The following TRPC6 variants were observed in gnomAD, a reference collection of about 807,000 sequenced individuals.
TRPC6 encodes the protein transient receptor potential cation channel subfamily C member 6.
A neutral mutation model predicts 90.7 loss-of-function variants in TRPC6; 55 were observed. That is an observed-to-expected ratio of 0.61 (90% CI 0.49 to 0.76). The LOEUF (loss-of-function observed/expected upper bound fraction) is 0.76, where lower values mean the gene tolerates loss of function less well. Ranked by LOEUF, TRPC6 falls within the 30% of genes least tolerant of loss-of-function variation. The probability of loss-of-function intolerance (pLI) is 0.00; values close to 1 mark genes in which losing one functional copy is unlikely to be tolerated. For synonymous variants in TRPC6, 393 were observed against 393.0 expected, an observed-to-expected ratio of 1.00 and a Z score of 0.00; for missense variants, 989 against 1,122.7, an observed-to-expected ratio of 0.88 and a Z score of 1.70.
chr11:101,520,124 TGAG>T (rs1490607281), intron 1 of TRPC6, among the ~76,000 whole-genome samples: 2 of 152,066 alleles, frequency 1.3e-5, no homozygotes, highest in African/African-American at 4.8e-5. Context: ...TCCCCAGTGT[TGAG>T]GAAGGGGCCT....
At chr11:101,457,547 A>G (rs767407736) in intron 10 of TRPC6, among the ~76,000 whole-genome samples, 1 of 152,200 alleles carries the variant, frequency 6.6e-6, no homozygotes, top group South Asian at 2.1e-4. Flanking sequence ...CTGGGAACAG[A>G]GCAATGAACT....
At chr11:101,577,153 T>A (rs1307391366) in intron 1 of TRPC6, among the ~76,000 whole-genome samples, 2 of 152,144 alleles carry the variant, frequency 1.3e-5, no homozygotes, top group African/African-American at 4.8e-5. Context: ...CACACTGCAA[T>A]CTTTCACCAA....
chr11:101,498,693 G>A (rs1262569984), intron 2 of TRPC6, among the ~76,000 whole-genome samples: 1 of 152,114 alleles, frequency 6.6e-6, no homozygotes, highest in Admixed American at 6.6e-5. Flanking sequence ...TCATAAAATA[G>A]ATTAATCGTC....
chr11:101,488,904 T>C (rs759933071), intron 4 of TRPC6, 33 bp downstream of exon 4: 3 of 1,612,848 alleles, frequency 1.9e-6, no homozygotes, highest in Non-Finnish European at 2.5e-6. Context: ...ATATTTCTAG[T>C]AGATAATAGA....
At chr11:101,499,864 G>A (rs141314382) in intron 2 of TRPC6, among the ~76,000 whole-genome samples, 5 of 32,018 alleles carry the variant, frequency 1.6e-4, no homozygotes, top group African/African-American at 5.8e-4. Flanking sequence ...TATATACACA[G>A]TATAAAATGT....
chr11:101,514,460 C>T (rs974200970), intron 1 of TRPC6, among the ~76,000 whole-genome samples: 3 of 152,152 alleles, frequency 2.0e-5, no homozygotes, highest in Non-Finnish European at 4.4e-5. Flanking sequence ...GAAGAGGAGA[C>T]TCAGCCCGCA....
chr11:101,558,426 T>C (rs1249872703), intron 1 of TRPC6, among the ~76,000 whole-genome samples: 3 of 111,164 alleles, frequency 2.7e-5, no homozygotes, highest in South Asian at 4.5e-4. Flanking sequence ...CACACACATA[T>C]CTACATATAT....
intron 10 of TRPC6, among the ~76,000 whole-genome samples, chr11:101,463,546 T>A (rs1051918227): frequency 6.6e-6 from 1 of 152,200 alleles, no homozygotes; most frequent in Non-Finnish European, 1.5e-5. Flanking sequence ...AGAGGGTGTA[T>A]GTGTCCAGGA....
chr11:101,572,538 G>T (rs988389210), intron 1 of TRPC6, among the ~76,000 whole-genome samples: 1 of 152,110 alleles, frequency 6.6e-6, no homozygotes, highest in African/African-American at 2.4e-5. Flanking sequence ...AAATCATTCT[G>T]CTATAAAGAC....
chr11:101,479,976 T>G (rs551959888), intron 5 of TRPC6, among the ~76,000 whole-genome samples: 3 of 152,102 alleles, frequency 2.0e-5, no homozygotes, highest in Non-Finnish European at 2.9e-5. Flanking sequence ...GTTGGAAGTT[T>G]GAGACCAGCT....
chr11:101,581,525 T>C (rs1179691385), intron 1 of TRPC6, among the ~76,000 whole-genome samples: 1 of 152,206 alleles, frequency 6.6e-6, no homozygotes, highest in East Asian at 1.9e-4. Flanking sequence ...CATGGAACAG[T>C]CTAATTTTTA....
intron 1 of TRPC6, among the ~76,000 whole-genome samples, chr11:101,558,267 G>A (rs866839616): frequency 3.1e-5 from 4 of 130,982 alleles, no homozygotes; most frequent in Non-Finnish European, 3.2e-5. Flanking sequence ...ACATGTATAT[G>A]GGTATACATG....
At chr11:101,462,692 T>C (rs1323715492) in intron 10 of TRPC6, among the ~76,000 whole-genome samples, 1 of 152,168 alleles carries the variant, frequency 6.6e-6, no homozygotes, top group African/African-American at 2.4e-5. Flanking sequence ...CTTATCTGCT[T>C]ATAAGGAGAT....
intron 1 of TRPC6, among the ~76,000 whole-genome samples, chr11:101,541,750 G>T (rs1041319272): frequency 9.9e-5 from 15 of 151,708 alleles, no homozygotes; most frequent in Admixed American, 2.0e-4. Flanking sequence ...GCTATGCAGT[G>T]CAAAAGAAAA....
chr11:101,494,191 T>C (rs764131746), intron 2 of TRPC6, among the ~76,000 whole-genome samples: 15 of 152,132 alleles, frequency 9.9e-5, no homozygotes, highest in Non-Finnish European at 1.9e-4. Context: ...CACTATACTA[T>C]AGTATAGTAG....
chr11:101,489,472 T>A (rs1215868311), intron 3 of TRPC6, among the ~76,000 whole-genome samples: 2 of 152,124 alleles, frequency 1.3e-5, no homozygotes, highest in Non-Finnish European at 2.9e-5. Context: ...AATACTTTTT[T>A]AAAAATACCA....
chr11:101,455,246 G>C, intron 10 of TRPC6, 145 bp from the exon 11 acceptor site: 1 of 667,934 alleles, frequency 1.5e-6, no homozygotes, highest in East Asian at 2.8e-5. Flanking sequence ...TTAGTATTCT[G>C]TCTTCCAAGA....
chr11:101,479,685 G>A (rs1024978397), intron 5 of TRPC6, among the ~76,000 whole-genome samples: 4 of 152,066 alleles, frequency 2.6e-5, no homozygotes, highest in African/African-American at 9.7e-5. Flanking sequence ...TCTAACATAG[G>A]CTACAAAAGC....
chr11:101,562,517 C>T (rs2136868251), intron 1 of TRPC6, among the ~76,000 whole-genome samples: 1 of 152,028 alleles, frequency 6.6e-6, no homozygotes, highest in African/African-American at 2.4e-5. Flanking sequence ...ATGCTTGTTT[C>T]TATAAAACCT....
Sources: gnomAD v4.1 joint callset for allele counts (sites outside exome capture counted in the v4.1 genomes callset) on GRCh38, gnomAD v4.1.1 for gene constraint, MANE v1.5 for transcripts, NCBI Gene and HGNC (gene_info 2026-07-23, HGNC 2026-07-21) for gene names.